The following COL27A1 variants were observed in gnomAD, a reference collection of about 807,000 sequenced individuals.
COL27A1 encodes collagen type XXVII alpha 1 chain.
Under a neutral mutation model 251.3 loss-of-function variants are expected in COL27A1, and 106 were observed. That is an observed-to-expected ratio of 0.42 (90% CI 0.36 to 0.50). COL27A1 has a LOEUF of 0.50. Among genes scored for constraint, COL27A1 ranks in the 20% least tolerant of loss-of-function variants. COL27A1 has a pLI of 0.00. For synonymous variants in COL27A1, 1,000 were observed against 986.3 expected (o/e 1.01, Z -0.26); for missense variants, 2,325 against 2,522.8 (o/e 0.92, Z 1.68).
At chr9:114,261,338 A>T (rs998608051) in intron 28 of COL27A1, among the ~76,000 whole-genome samples, 4 of 152,236 alleles carry the variant, frequency 2.6e-5, no homozygotes, top group Non-Finnish European at 1.5e-5. Flanking sequence ...GGTAGCTCTG[A>T]TAGAAACCCA....
chr9:114,270,597 G>T (rs1239327685), intron 35 of COL27A1, 131 bp from the exon 36 acceptor site: 3 of 662,090 alleles, frequency 4.5e-6, no homozygotes, highest in Non-Finnish European at 5.2e-6. Context: ...TGTGTGCCAG[G>T]GCCCCCAGGG....
At chr9:114,278,860 G>T (rs1292469971) in intron 37 of COL27A1, among the ~76,000 whole-genome samples, 1 of 152,024 alleles carries the variant, frequency 6.6e-6, no homozygotes, top group East Asian at 1.9e-4. Context: ...GGAAACAGTT[G>T]AGTATTTAAA....
rs145102933 is a variant in COL27A1 at position 114,262,216 on chromosome 9, G to T, written c.3196-2139G>T. Reference sequence around the variant, plus strand: ...CGCCAGGCCTGTGCCCATGAATCACGGGTGTTAAGCCTAATGACGTGGTGT... The same window carrying T: ...CGCCAGGCCTGTGCCCATGAATCACTGGTGTTAAGCCTAATGACGTGGTGT... On this transcript the variant is annotated intron_variant, in intron 28 of 60. Coordinates refer to ENST00000356083, the MANE Select transcript of COL27A1 (RefSeq NM_032888.4). Among the ~76,000 whole-genome samples, 1,372 of 152,298 alleles carry T rather than the reference G, an allele frequency of 9.0e-3. 16 individuals carry two copies. Among genetic ancestry groups the T allele is most frequent in the African/African-American group, 0.031 (1,304 of 41,564 alleles).
chr9:114,294,431 C>T (rs144718930), intron 49 of COL27A1, among the ~76,000 whole-genome samples: 2 of 152,042 alleles, frequency 1.3e-5, no homozygotes, highest in East Asian at 3.9e-4. Context: ...ATATAGCTAC[C>T]ACAGTTCTCA....
chr9:114,223,248 G>A (rs1831240133), intron 14 of COL27A1, among the ~76,000 whole-genome samples: 1 of 152,174 alleles, frequency 6.6e-6, no homozygotes, highest in Non-Finnish European at 1.5e-5. Flanking sequence ...GTTTGAGTTT[G>A]GGGGCCCGTG....
chr9:114,269,694 C>T (rs58124967), intron 35 of COL27A1, among the ~76,000 whole-genome samples: 11,841 of 150,518 alleles, frequency 0.079, 583 homozygotes, highest in East Asian at 0.21. Flanking sequence ...ATGATGAGCA[C>T]GCATCCTATG....
intron 28 of COL27A1, among the ~76,000 whole-genome samples, chr9:114,260,381 G>A (rs559724324): frequency 5.9e-5 from 9 of 152,164 alleles, no homozygotes; most frequent in South Asian, 2.1e-4. Context: ...GCTGCCCTTC[G>A]CCACCTCCTA....
chr9:114,180,769 T>C (rs547734235), intron 4 of COL27A1, among the ~76,000 whole-genome samples: 1 of 152,302 alleles, frequency 6.6e-6, no homozygotes, highest in South Asian at 2.1e-4. Context: ...ATTTATAGAA[T>C]TGGTCTGCTT....
chr9:114,189,056 G>A (rs1476105499), intron 5 of COL27A1, among the ~76,000 whole-genome samples: 1 of 152,110 alleles, frequency 6.6e-6, no homozygotes, highest in Non-Finnish European at 1.5e-5. Context: ...AAAAAATAAT[G>A]TGTCAGATAA....
intron 7 of COL27A1, among the ~76,000 whole-genome samples, chr9:114,200,573 C>T (rs548043942): frequency 2.0e-5 from 3 of 152,322 alleles, no homozygotes; most frequent in Non-Finnish European, 4.4e-5. Flanking sequence ...CAGGCATCCA[C>T]GGAGCAGAGT....
chr9:114,209,413 G>T (rs754650611), intron 10 of COL27A1: 1 of 740,552 alleles, frequency 1.4e-6, no homozygotes, highest in Non-Finnish European at 2.5e-6. Flanking sequence ...CGGGCCTCCT[G>T]CCGGCGAGCG....
At chr9:114,264,280 A>G (rs1834564177) in intron 28 of COL27A1, 75 bp from the exon 29 acceptor site, 5 of 1,219,514 alleles carry the variant, frequency 4.1e-6, no homozygotes, top group Non-Finnish European at 5.6e-6. Flanking sequence ...GGCTTGGAGC[A>G]GCCCCGCCCT....
intron 57 of COL27A1, 82 bp downstream of exon 57, chr9:114,304,755 T>C (rs1264889607): frequency 2.4e-6 from 3 of 1,228,314 alleles, no homozygotes; most frequent in African/African-American, 1.5e-5. Flanking sequence ...GGTCAGTGCC[T>C]TCCATGTGGC....
chr9:114,271,542 T>C, intron 36 of COL27A1: 1 of 152,494 alleles, frequency 6.6e-6, no homozygotes, highest in Non-Finnish European at 1.5e-5. Context: ...TGCTGCTCCC[T>C]GAGAGACTCC....
At chr9:114,183,145 A>G in intron 5 of COL27A1, 70 bp downstream of exon 5, 1 of 1,453,150 alleles carries the variant, frequency 6.9e-7, no homozygotes, top group Non-Finnish European at 9.6e-7. Context: ...AGTGCTTCCC[A>G]GGGGTGCCTG....
At chr9:114,227,834 C>T (rs1194061205) in intron 14 of COL27A1, among the ~76,000 whole-genome samples, 2 of 152,134 alleles carry the variant, frequency 1.3e-5, no homozygotes. Flanking sequence ...TTCTGAGTGG[C>T]TCCGGCCAAG....
rs542535091 is a variant in COL27A1 at position 114,304,798 on chromosome 9, TGG to T, written c.4938+126_4938+127del. The T allele has an allele frequency of 3.8e-3, 2,961 of 789,148 alleles. 10 individuals carry two copies. The highest frequency in any genetic ancestry group is 5.2e-3 in the Non-Finnish European group (2,487 of 480,940). The allele number at this position is 789,148 out of a possible 1,614,324, so 48.9% of individuals were successfully genotyped here. ...GAGCATTTCAGAGTCCTGGTCTTGG[TGG>T]CATCTCGCATCCACAAATGGGGGTT... On this transcript the variant is annotated intron_variant, in intron 57 of 60. Transcript: ENST00000356083.
At chr9:114,231,978 C>A (rs1564499816) in intron 16 of COL27A1, 112 bp downstream of exon 16, 8 of 1,031,242 alleles carry the variant, frequency 7.8e-6, no homozygotes, top group Non-Finnish European at 1.2e-5. Flanking sequence ...ACTCTTCCTG[C>A]CTCTCCTCTG....
intron 3 of COL27A1, among the ~76,000 whole-genome samples, chr9:114,170,534 G>A (rs901520342): frequency 6.6e-6 from 1 of 152,222 alleles, no homozygotes; most frequent in African/African-American, 2.4e-5. Flanking sequence ...TGTGGAGACA[G>A]TGGCAGATGC....
Sources: allele counts gnomAD v4.1 joint callset (sites outside exome capture counted in the v4.1 genomes callset), GRCh38; gene constraint gnomAD v4.1.1; transcripts MANE v1.5; gene names NCBI Gene and HGNC (gene_info 2026-07-23, HGNC 2026-07-21).